Variants in PRKX observed in about 807,000 individuals in gnomAD.
PRKX encodes the protein cAMP-dependent protein kinase catalytic subunit PRKX.
Under a neutral mutation model 22.0 loss-of-function variants are expected in PRKX, and 12 were observed. The ratio of observed to expected loss-of-function variants is 0.54; its 90% CI spans 0.35 to 0.88. PRKX has a LOEUF of 0.88. PRKX is among the 40% of genes least tolerant of loss of function. PRKX has a pLI of 0.01. For synonymous variants in PRKX, 134 were observed against 137.7 expected (o/e 0.97, Z 0.19); for missense variants, 217 against 308.0 (o/e 0.70, Z 2.21).
chrX:3,620,560 G>A (rs957543124), intron 6 of PRKX, among the ~76,000 whole-genome samples: 4 of 112,383 alleles, frequency 3.6e-5, no homozygotes, highest in African/African-American at 1.3e-4. Context: ...TGCTCCCCAT[G>A]GCTGGCATTA....
At chrX:3,618,050 C>CAA (rs755608512) in intron 6 of PRKX, among the ~76,000 whole-genome samples, 10 of 60,633 alleles carry the variant, frequency 1.6e-4, no homozygotes, top group Non-Finnish European at 2.7e-4. Context: ...TGCTGTGTCT[C>CAA]AAAAAAAAAA....
intron 1 of PRKX, among the ~76,000 whole-genome samples, chrX:3,684,565 T>C (rs1415781185): frequency 1.8e-5 from 2 of 111,517 alleles, no homozygotes; most frequent in African/African-American, 6.5e-5. Context: ...GGCTCATAAT[T>C]GTGGCAGACT....
intron 3 of PRKX, among the ~76,000 whole-genome samples, chrX:3,648,606 C>CTGTGTGTGTG (rs58698248): frequency 0.048 from 3,457 of 71,978 alleles, 137 homozygotes; most frequent in Admixed American, 0.063. Context: ...CTCTCTACTC[C>CTGTGTGTGTG]TGTGTGTGTG....
At chrX:3,617,986 C>A (rs968789440) in intron 6 of PRKX, among the ~76,000 whole-genome samples, 5 of 105,504 alleles carry the variant, frequency 4.7e-5, no homozygotes, top group Non-Finnish European at 9.7e-5. Context: ...AGTTTCACTC[C>A]ATCATCCAGG....
At chrX:3,676,452 C>T (rs1375134202) in intron 1 of PRKX, among the ~76,000 whole-genome samples, 2 of 111,688 alleles carry the variant, frequency 1.8e-5, no homozygotes, top group African/African-American at 6.5e-5. Flanking sequence ...TTTATGACAG[C>T]ACTATTCACA....
At chrX:3,700,904 G>A (rs1457971580) in intron 1 of PRKX, among the ~76,000 whole-genome samples, 1 of 111,501 alleles carries the variant, frequency 9.0e-6, no homozygotes, top group Non-Finnish European at 1.9e-5. Flanking sequence ...AGCCCAGCCC[G>A]AAAATCAATG....
Position 3,615,864 on chromosome X carries a change from C to T in PRKX, c.902G>A (p.Arg301Gln), listed in dbSNP as rs150699468. 193 of 1,206,113 alleles carry T rather than the reference C, an allele frequency of 1.6e-4. No homozygotes were observed. Among genetic ancestry groups the T allele is most frequent in the Admixed American group, 4.6e-4 (21 of 45,365 alleles). The change falls in exon 7 of 9, where the codon CGG becomes CAG. Residue 301 changes from arginine (R) to glutamine (Q), a missense_variant. Transcript: ENST00000262848. ...KNGANDVKHH[R>Q]WFRSVDWEAV... ...TTCCCAGTCCACGGAGCGGAACCAC[C>T]GATGATGCTTCACATCATTCGCCCC...
intron 1 of PRKX, among the ~76,000 whole-genome samples, chrX:3,689,682 A>AAAAT (rs901161589): frequency 2.7e-5 from 3 of 111,972 alleles, no homozygotes; most frequent in Non-Finnish European, 5.6e-5. Context: ...TCTGTCTCAA[A>AAAAT]AAATGAATGA....
intron 4 of PRKX, among the ~76,000 whole-genome samples, chrX:3,640,224 G>T (rs1314272606): frequency 9.1e-6 from 1 of 109,610 alleles, no homozygotes; most frequent in Non-Finnish European, 1.9e-5. Context: ...GCAGAGTGTC[G>T]GCTGTGGCAA....
At chrX:3,650,459 T>A (rs1927299919) in intron 3 of PRKX, among the ~76,000 whole-genome samples, 1 of 87,025 alleles carries the variant, frequency 1.1e-5, no homozygotes, top group Non-Finnish European at 2.1e-5. Context: ...AGGCAGAGCT[T>A]GCAGTGAGCC....
At chrX:3,659,298 T>A (rs779038739) in intron 2 of PRKX, among the ~76,000 whole-genome samples, 2 of 111,856 alleles carry the variant, frequency 1.8e-5, no homozygotes, top group South Asian at 7.5e-4. Flanking sequence ...ACTGTGAATT[T>A]TAAATGAACA....
intron 1 of PRKX, among the ~76,000 whole-genome samples, chrX:3,676,955 G>A (rs764119168): frequency 6.9e-4 from 77 of 112,036 alleles, no homozygotes; most frequent in Non-Finnish European, 1.1e-3. Context: ...CGGAACCTCC[G>A]CAGCCATGTG....
chrX:3,629,414 G>GT (rs766702749), intron 4 of PRKX, among the ~76,000 whole-genome samples: 200 of 91,529 alleles, frequency 2.2e-3, no homozygotes, highest in Middle Eastern at 5.5e-3. Flanking sequence ...CCAGGGTTTT[G>GT]TTTTTTTTTT....
In PRKX at chrX:3,635,537, T is replaced by G. The variant is rs763220264; in HGVS notation, c.719+6315A>C. 7.1e-5 allele frequency among the ~76,000 whole-genome samples: 8 copies of G among 111,891 alleles called. No homozygotes were observed. The South Asian group carries it at 2.6e-3, about 37-fold the overall frequency. On this transcript the variant is annotated intron_variant, in intron 4 of 8. Coordinates refer to ENST00000262848, the MANE Select transcript of PRKX (RefSeq NM_005044.5). The stretch of plus-strand genomic sequence containing the variant: ...AGGGGCTTTCTCTTACCCTGCACTC[T>G]GCTGTATGTCTTGTGTGTCCCTGTG...
At chrX:3,623,352 C>T (rs1236296162) in intron 5 of PRKX, among the ~76,000 whole-genome samples, 1 of 110,216 alleles carries the variant, frequency 9.1e-6, no homozygotes. Context: ...ACCAAGAGTT[C>T]GAAACCAGCA....
At chrX:3,709,914 A>G (rs1928755081) in intron 1 of PRKX, among the ~76,000 whole-genome samples, 2 of 109,915 alleles carry the variant, frequency 1.8e-5, no homozygotes, top group Admixed American at 9.8e-5. Flanking sequence ...TCAGCTTCCC[A>G]GGTAACTCAG....
chrX:3,699,958 A>T (rs1197694837), intron 1 of PRKX, among the ~76,000 whole-genome samples: 1 of 111,272 alleles, frequency 9.0e-6, no homozygotes, highest in Non-Finnish European at 1.9e-5. Context: ...TGAAGAGGAG[A>T]CTGGGAGTGT....
At chrX:3,622,120 GGTGACAGAGGTAGAGTCA>G (rs1291894463) in intron 5 of PRKX, among the ~76,000 whole-genome samples, 2 of 110,276 alleles carry the variant, frequency 1.8e-5, no homozygotes, top group African/African-American at 6.6e-5. Context: ...CTCCAGTCTG[GGTGACAGAGGTAGAGTCA>G]GTCTCAAAAA....
chrX:3,660,585 C>G lies in PRKX; in HGVS notation c.336-5173G>C, dbSNP rs773021750. ...ATCTACCTCACTCTGGGATAATAAT[C>G]TGCACAGATCCTCTTAAGAATAATG... On this transcript the variant is annotated intron_variant, in intron 2 of 8. Coordinates refer to ENST00000262848, the MANE Select transcript of PRKX (RefSeq NM_005044.5). 7.1e-5 allele frequency among the ~76,000 whole-genome samples: 8 copies of G among 111,889 alleles called. No individual in the cohort carries two copies. In the South Asian group the frequency reaches 2.6e-3, roughly 37 times the overall value.
Sources: gnomAD v4.1 joint callset for allele counts (sites outside exome capture counted in the v4.1 genomes callset) on GRCh38, gnomAD v4.1.1 for gene constraint, MANE v1.5 for transcripts, NCBI Gene and HGNC (gene_info 2026-07-23, HGNC 2026-07-21) for gene names.